SUPT20HL2: variants seen among roughly 807,000 people sequenced by gnomAD.
SUPT20HL2 encodes the protein SUPT20H like 2.
For missense variants in SUPT20HL2, 288 were observed against 127.4 expected, an observed-to-expected ratio of 2.26 and a Z score of -6.07; for synonymous variants, 125 against 51.6, an observed-to-expected ratio of 2.42 and a Z score of -6.10.
Position 24,311,168 on chromosome X carries a change from T to C in SUPT20HL2, c.2148A>G (p.Ala716=), listed in dbSNP as rs1458499886. 2.6e-6 allele frequency: 1 copy of C among 379,410 alleles called. No individual in the cohort carries two copies. The highest frequency in any genetic ancestry group is 5.3e-6 in the Non-Finnish European group (1 of 189,535). The allele number at this position is 379,410 out of a possible 1,213,427, so 31.3% of individuals were successfully genotyped here. The change falls in exon 1 of 1, where the codon GCA becomes GCG. Residue 716 remains alanine (A), a synonymous_variant. Coordinates refer to ENST00000486479, the MANE Select transcript of SUPT20HL2 (RefSeq NM_001136233.3). ...QQLLNVNLTG[A]GSGLQPQPQA... is the part of the protein sequence containing the mutation. ...GGGGCTGGGGCTGCAGACCACTACC[T>C]GCTCCAGTGAGGTTCACATTAAGAA...
rs1429702092 is a variant in SUPT20HL2, at chrX:24,309,734, T to TAAAAAAAAAAATAAAAAAAA, written c.*1127_*1128insTTTTTTTTATTTTTTTTTTT. 1.3e-4 allele frequency among the ~76,000 whole-genome samples: 2 copies of TAAAAAAAAAAATAAAAAAAA among 15,706 alleles called. No individual in the cohort carries two copies. The highest frequency in any genetic ancestry group is 1.9e-4 in the Non-Finnish European group (2 of 10,392). The allele number at this position is 15,706 out of a possible 115,157, so 13.6% of individuals were successfully genotyped here. ...AAAAAAAAGAAAAAAATAATAAAAA[T>TAAAAAAAAAAATAAAAAAAA]AAAAAAAAAAAGAAAAAAAAAAAAA... On this transcript the variant is annotated 3_prime_UTR_variant, in exon 1 of 1. Coordinates refer to ENST00000486479, the MANE Select transcript of SUPT20HL2 (RefSeq NM_001136233.3).
chrX:24,313,416 C>A lies in SUPT20HL2; in HGVS notation c.-101G>T. 3.0e-6 allele frequency: 1 copy of A among 335,994 alleles called. No homozygotes were observed. The highest frequency in any genetic ancestry group is 7.7e-5 in the East Asian group (1 of 12,941). The allele number at this position is 335,994 out of a possible 1,213,427, so 27.7% of individuals were successfully genotyped here. On this transcript the variant is annotated 5_prime_UTR_variant, in exon 1 of 1. Transcript: ENST00000486479. ...CATATTAATCTACAGGCCCGCAAGA[C>A]GCCGCAAGTCCACACTGAGTTCAAC... is the stretch of plus-strand genomic sequence containing the variant.
chrX:24,311,430 T>G lies in SUPT20HL2; in HGVS notation c.1886A>C (p.Gln629Pro), dbSNP rs1939124818. ...CTGAAGGGGTGCTGGAGAAGATGCCTGCACTGCACCGGGCCTTGCATCTGG... is the reference window on the plus strand; with the variant it reads ...CTGAAGGGGTGCTGGAGAAGATGCCGGCACTGCACCGGGCCTTGCATCTGG... The part of the protein sequence containing the change: ...PLPDARPGAV[Q>P]ASSPAPLQFF... The change falls in exon 1 of 1, where the codon CAG (glutamine) becomes CCG (proline). Residue 629 changes from glutamine (Q) to proline (P), a missense_variant. By Grantham distance (76) the Gln-to-Pro change is moderately conservative. Coordinates refer to ENST00000486479, the MANE Select transcript of SUPT20HL2 (RefSeq NM_001136233.3). 1 of 386,277 alleles carries G rather than the reference T, an allele frequency of 2.6e-6. No individual in the cohort carries two copies. The highest frequency in any genetic ancestry group is 2.5e-5 in the African/African-American group (1 of 39,482). 31.8% of individuals were successfully genotyped at this position (386,277 alleles called of 1,213,427 possible).
rs1555929533 is a variant in SUPT20HL2 at position 24,311,773 on chromosome X, G to GCAGC, written c.1542_1543insGCTG (p.Pro515AlafsTer30). 0.011 allele frequency: 3,562 copies of GCAGC among 337,120 alleles called. 109 individuals carry two copies. Among genetic ancestry groups the GCAGC allele is most frequent in the African/African-American group, 0.087 (3,220 of 37,043 alleles). 27.8% of individuals were successfully genotyped at this position (337,120 alleles called of 1,213,427 possible). A position where few individuals can be genotyped will look rare whatever the true frequency, so the allele number is the denominator to read the frequency against. On this transcript the variant is annotated frameshift_variant, in exon 1 of 1. Transcript: ENST00000486479. LOFTEE classifies it low-confidence loss of function (END_TRUNC). ...GCCACAGCAGCAGCAGCTAAAGCAG[G>GCAGC]AGCAGCAGCAGGAGCAGGAGCAGGA...
Position 24,309,717 on chromosome X carries a change from G to GAAAAAAA in SUPT20HL2, c.*1138_*1144dup, listed in dbSNP as rs1939097074. Among the ~76,000 whole-genome samples, 3 of 13,830 alleles carry GAAAAAAA rather than the reference G, an allele frequency of 2.2e-4. No homozygotes were observed. Among genetic ancestry groups the GAAAAAAA allele is most frequent in the African/African-American group, 9.1e-4 (2 of 2,209 alleles). 12.0% of individuals were successfully genotyped at this position (13,830 alleles called of 115,157 possible). ...TAAAAAAAAAAATTAAAAAAAAAAAGAAAAAAATAATAAAAATAAAAAAAA... is the reference window on the plus strand; with the variant it reads ...TAAAAAAAAAAATTAAAAAAAAAAAGAAAAAAAAAAAAAATAATAAAAATAAAAAAAA... On this transcript the variant is annotated 3_prime_UTR_variant, in exon 1 of 1. Coordinates refer to ENST00000486479, the MANE Select transcript of SUPT20HL2 (RefSeq NM_001136233.3).
rs1939157844 is a variant in SUPT20HL2, at chrX:24,313,722, C to T, written c.-407G>A. 5.5e-6 allele frequency: 2 copies of T among 362,271 alleles called. No individual in the cohort carries two copies. The highest frequency in any genetic ancestry group is 2.4e-5 in the South Asian group (1 of 41,670). 29.9% of individuals were successfully genotyped at this position (362,271 alleles called of 1,213,427 possible). ...TCGTGGCCCGGGCTTCACGTCTCTG[C>T]GGCCTGGAACAGAAGTGAGCGGGAG... On this transcript the variant is annotated 5_prime_UTR_variant, in exon 1 of 1. Transcript: ENST00000486479.
rs749135571 is a variant in SUPT20HL2, at chrX:24,311,699, C to A, written c.1617G>T (p.Val539=). Residue 539 remains valine (V), a synonymous_variant, in exon 1 of 1, where the codon GTG becomes GTT. Coordinates refer to ENST00000486479, the MANE Select transcript of SUPT20HL2 (RefSeq NM_001136233.3). ...GGCGCCTGCTAGCTTTAATAAGAGG[C>A]ACAGAGGGCTTCTGAGAATGGCTTG... is the stretch of plus-strand genomic sequence containing the variant. The part of the protein sequence containing the change: ...AAPSHSQKPS[V]PLIKASRRRP... The A allele has an allele frequency of 1.1e-5, 4 of 377,542 alleles. No individual in the cohort carries two copies. Among genetic ancestry groups the A allele is most frequent in the Middle Eastern group, 8.6e-4 (2 of 2,331 alleles). 31.1% of individuals were successfully genotyped at this position (377,542 alleles called of 1,213,427 possible). A position where few individuals can be genotyped will look rare whatever the true frequency, so the allele number is the denominator to read the frequency against.
rs1569195686 is a variant in SUPT20HL2 at position 24,309,725 on chromosome X, T to TAAAAAAA, written c.*1136_*1137insTTTTTTT. Among the ~76,000 whole-genome samples the TAAAAAAA allele has an allele frequency of 1.2e-4, 2 of 16,883 alleles. No individual in the cohort carries two copies. Among genetic ancestry groups the TAAAAAAA allele is most frequent in the Non-Finnish European group, 1.8e-4 (2 of 10,867 alleles). 14.7% of individuals were successfully genotyped at this position (16,883 alleles called of 115,157 possible). A position where few individuals can be genotyped will look rare whatever the true frequency, so the allele number is the denominator to read the frequency against. On this transcript the variant is annotated 3_prime_UTR_variant, in exon 1 of 1. Coordinates refer to ENST00000486479, the MANE Select transcript of SUPT20HL2 (RefSeq NM_001136233.3). ...AAAATTAAAAAAAAAAAGAAAAAAA[T>TAAAAAAA]AATAAAAATAAAAAAAAAAAGAAAA...
chrX:24,310,823 G>A lies in SUPT20HL2; in HGVS notation c.*39C>T, dbSNP rs1245824114. The A allele has an allele frequency of 3.0e-6, 1 of 334,979 alleles. No individual in the cohort carries two copies. The highest frequency in any genetic ancestry group is 2.6e-5 in the African/African-American group (1 of 37,737). 27.6% of individuals were successfully genotyped at this position (334,979 alleles called of 1,213,427 possible). ...AAACTGGGAATTCATGTGGGTCAGTGCTCCCATGCTTTTAAAAGAGAACAA... is the reference window on the plus strand; with the variant it reads ...AAACTGGGAATTCATGTGGGTCAGTACTCCCATGCTTTTAAAAGAGAACAA... On this transcript the variant is annotated 3_prime_UTR_variant, in exon 1 of 1. Coordinates refer to ENST00000486479, the MANE Select transcript of SUPT20HL2 (RefSeq NM_001136233.3).
Position 24,310,775 on chromosome X carries a change from GA to G in SUPT20HL2, c.*86del. 3.7e-6 allele frequency: 1 copy of G among 270,471 alleles called. No individual in the cohort carries two copies. 22.3% of individuals were successfully genotyped at this position (270,471 alleles called of 1,213,427 possible). ...TAAAATGTAAAATACCAAAACATGAGAAAAAAAACAAAACTCAAGTAAAAAC... is the reference window on the plus strand; with the variant it reads ...TAAAATGTAAAATACCAAAACATGAGAAAAAAACAAAACTCAAGTAAAAAC... On this transcript the variant is annotated 3_prime_UTR_variant, in exon 1 of 1. Coordinates refer to ENST00000486479, the MANE Select transcript of SUPT20HL2 (RefSeq NM_001136233.3).
chrX:24,312,005 T>C lies in SUPT20HL2; in HGVS notation c.1311A>G (p.Ser437=), dbSNP rs1158296740. The C allele has an allele frequency of 2.7e-6, 1 of 375,989 alleles. No homozygotes were observed. Among genetic ancestry groups the C allele is most frequent in the African/African-American group, 2.7e-5 (1 of 37,021 alleles). 31.0% of individuals were successfully genotyped at this position (375,989 alleles called of 1,213,427 possible). A position where few individuals can be genotyped will look rare whatever the true frequency, so the allele number is the denominator to read the frequency against. The change falls in exon 1 of 1, where the codon TCA becomes TCG. Residue 437 remains serine, a synonymous_variant. Coordinates refer to ENST00000486479, the MANE Select transcript of SUPT20HL2 (RefSeq NM_001136233.3). ...SGPASVSQLS[S]WKTPEQPDPV... ...GATCAGGCTGTTCTGGTGTTTTCCATGAAGAGAGCTGACTGACACTGGCTG... is the reference window on the plus strand; with the variant it reads ...GATCAGGCTGTTCTGGTGTTTTCCACGAAGAGAGCTGACTGACACTGGCTG...
In SUPT20HL2 at chrX:24,310,006, G is replaced by A. The variant is rs969633354; in HGVS notation, c.*856C>T. 9.1e-6 allele frequency among the ~76,000 whole-genome samples: 1 copy of A among 110,251 alleles called. No homozygotes were observed. Among genetic ancestry groups the A allele is most frequent in the Non-Finnish European group, 1.9e-5 (1 of 52,838 alleles). ...GTAATAATTCCATTCCATATATTGT[G>A]CATAAACCTATTAATGTGAATACGA... On this transcript the variant is annotated 3_prime_UTR_variant, in exon 1 of 1. Coordinates refer to ENST00000486479, the MANE Select transcript of SUPT20HL2 (RefSeq NM_001136233.3).
rs1002900032 is a variant in SUPT20HL2 at position 24,310,368 on chromosome X, G to A, written c.*494C>T. Among the ~76,000 whole-genome samples, 1 of 112,227 alleles carries A rather than the reference G, an allele frequency of 8.9e-6. No individual in the cohort carries two copies. The highest frequency in any genetic ancestry group is 1.9e-5 in the Non-Finnish European group (1 of 53,268). On this transcript the variant is annotated 3_prime_UTR_variant, in exon 1 of 1. Transcript: ENST00000486479. ...TGGTCTTGAGATCTGCGGCACAACC[G>A]TGGGGGTGGACTTAATACTATTGCA...
At position 24,313,677 on chromosome X, in the gene SUPT20HL2, C is replaced by G. The variant is rs1250976797; in HGVS notation, c.-362G>C. On this transcript the variant is annotated 5_prime_UTR_variant, in exon 1 of 1. Transcript: ENST00000486479. ...TCTGTTTGAGGGTTTCTGAAAACAT[C>G]GGTACCTGAGGGGTCGTCGTCGTGG... Among the ~76,000 whole-genome samples the G allele has an allele frequency of 1.3e-4, 11 of 86,711 alleles. No homozygotes were observed. Among genetic ancestry groups the G allele is most frequent in the South Asian group, 6.3e-4 (1 of 1,579 alleles). 75.3% of individuals were successfully genotyped at this position (86,711 alleles called of 115,157 possible). A position where few individuals can be genotyped will look rare whatever the true frequency, so the allele number is the denominator to read the frequency against.
Position 24,311,797 on chromosome X carries a change from GAGCAGGAGCAGCAGCAGCTAC to G in SUPT20HL2, c.1498_1518del (p.Val500_Ala506del), listed in dbSNP as rs745999881. ...GGAGCAGCAGCAGGAGCAGGAGCAG[GAGCAGGAGCAGCAGCAGCTAC>G]AGCAGGAGCAGCAGCAGGAAATGGA... On this transcript the variant is annotated inframe_deletion, in exon 1 of 1. Transcript: ENST00000486479. 3.2e-4 allele frequency: 108 copies of G among 335,729 alleles called. No homozygotes were observed. Among genetic ancestry groups the G allele is most frequent in the African/African-American group, 8.4e-4 (32 of 38,050 alleles). The allele number at this position is 335,729 out of a possible 1,213,427, so 27.7% of individuals were successfully genotyped here. A position where few individuals can be genotyped will look rare whatever the true frequency, so the allele number is the denominator to read the frequency against.
At position 24,310,367 on chromosome X, in the gene SUPT20HL2, C is replaced by T. The variant is rs1167980359; in HGVS notation, c.*495G>A. On this transcript the variant is annotated 3_prime_UTR_variant, in exon 1 of 1. Coordinates refer to ENST00000486479, the MANE Select transcript of SUPT20HL2 (RefSeq NM_001136233.3). ...ATGGTCTTGAGATCTGCGGCACAAC[C>T]GTGGGGGTGGACTTAATACTATTGC... Among the ~76,000 whole-genome samples the T allele has an allele frequency of 1.8e-5, 2 of 111,928 alleles. No individual in the cohort carries two copies. Among genetic ancestry groups the T allele is most frequent in the Non-Finnish European group, 3.8e-5 (2 of 53,190 alleles).
Position 24,308,435 on chromosome X carries a change from T to C in SUPT20HL2, c.*2427A>G. ...CTGGTCATTGCACTCGTTCGCCTCT[T>C]AAAAGTGCAGGCACCATTCCCAATT... On this transcript the variant is annotated 3_prime_UTR_variant, in exon 1 of 1. Transcript: ENST00000486479. 3.3e-6 allele frequency: 1 copy of C among 299,684 alleles called. No individual in the cohort carries two copies. The highest frequency in any genetic ancestry group is 3.2e-5 in the South Asian group (1 of 31,088). The allele number at this position is 299,684 out of a possible 1,213,427, so 24.7% of individuals were successfully genotyped here. A position where few individuals can be genotyped will look rare whatever the true frequency, so the allele number is the denominator to read the frequency against.
chrX:24,309,938 C>G lies in SUPT20HL2; in HGVS notation c.*924G>C, dbSNP rs745613668. Among the ~76,000 whole-genome samples the G allele has an allele frequency of 1.8e-4, 20 of 108,901 alleles. No individual in the cohort carries two copies. The highest frequency in any genetic ancestry group is 6.0e-4 in the African/African-American group (18 of 30,044). The allele number at this position is 108,901 out of a possible 115,157, so 94.6% of individuals were successfully genotyped here. The stretch of plus-strand genomic sequence containing the variant: ...ATGTATTCAATCGCAGTGTGACAAG[C>G]ATCACTGTACTGTACTTTTTTTTCA... On this transcript the variant is annotated 3_prime_UTR_variant, in exon 1 of 1. Transcript: ENST00000486479.
Position 24,311,255 on chromosome X carries a change from T to C in SUPT20HL2, c.2061A>G (p.Pro687=), listed in dbSNP as rs1271627649. 2 of 387,169 alleles carry C rather than the reference T, an allele frequency of 5.2e-6. No homozygotes were observed. The highest frequency in any genetic ancestry group is 2.5e-5 in the Admixed American group (1 of 39,655). The allele number at this position is 387,169 out of a possible 1,213,427, so 31.9% of individuals were successfully genotyped here. A position where few individuals can be genotyped will look rare whatever the true frequency, so the allele number is the denominator to read the frequency against. Residue 687 remains proline (P), a synonymous_variant, in exon 1 of 1, where the codon CCA becomes CCG. Coordinates refer to ENST00000486479, the MANE Select transcript of SUPT20HL2 (RefSeq NM_001136233.3). ...AACCTAGTGTGGAACCCTGTGGCCC[T>C]GGCTGAGGAGGGTGAGCAGCTGTGG... ...QQPTAAHPPQ[P]GPQGSTLGLS...
Sources: allele counts gnomAD v4.1 joint callset (sites outside exome capture counted in the v4.1 genomes callset), GRCh38; gene constraint gnomAD v4.1.1; transcripts MANE v1.5; gene names NCBI Gene and HGNC (gene_info 2026-07-23, HGNC 2026-07-21).